The following TRPC4AP variants were observed in gnomAD, a reference collection of about 807,000 sequenced individuals.
TRPC4AP encodes the protein transient receptor potential cation channel subfamily C member 4 associated protein.
In TRPC4AP, 45 loss-of-function variants were observed where a neutral mutation model predicts 99.0. That is an observed-to-expected ratio of 0.45 (90% CI 0.36 to 0.58). TRPC4AP has a LOEUF of 0.58. TRPC4AP is among the 20% of genes least tolerant of loss of function. The pLI is 0.00. For synonymous variants in TRPC4AP, 408 were observed against 385.8 expected (o/e 1.06, Z -0.67); for missense variants, 879 against 985.3 (o/e 0.89, Z 1.44).
intron 1 of TRPC4AP, among the ~76,000 whole-genome samples, chr20:35,083,837 T>C (rs1391974977): frequency 6.7e-6 from 1 of 149,902 alleles, no homozygotes; most frequent in African/African-American, 2.5e-5. Context: ...GAAAGAAAAA[T>C]GCTCTGGATT....
At chr20:35,025,329 T>TGTG (rs1267713237) in intron 8 of TRPC4AP, among the ~76,000 whole-genome samples, 3 of 152,160 alleles carry the variant, frequency 2.0e-5, no homozygotes, top group East Asian at 3.8e-4. Context: ...TATGGGCACG[T>TGTG]GCCACCATGC....
At chr20:35,035,716 C>A (rs183641846) in intron 7 of TRPC4AP, among the ~76,000 whole-genome samples, 15 of 152,190 alleles carry the variant, frequency 9.9e-5, no homozygotes, top group African/African-American at 3.6e-4. Context: ...TCATCAACAG[C>A]TGATTAATTA....
At chr20:35,088,923 A>T (rs979271659) in intron 1 of TRPC4AP, among the ~76,000 whole-genome samples, 6 of 152,190 alleles carry the variant, frequency 3.9e-5, no homozygotes, top group Admixed American at 2.6e-4. Context: ...GTTACCAAGG[A>T]CTGGGAGGGA....
At chr20:35,074,248 G>GT (rs1332138936) in intron 2 of TRPC4AP, among the ~76,000 whole-genome samples, 9 of 152,218 alleles carry the variant, frequency 5.9e-5, no homozygotes, top group African/African-American at 1.7e-4. Flanking sequence ...TTTTTGAAGG[G>GT]TTTTTTGTGT....
chr20:35,007,727 G>A, intron 13 of TRPC4AP, 87 bp from the exon 14 acceptor site: 2 of 1,345,110 alleles, frequency 1.5e-6, no homozygotes, highest in Non-Finnish European at 2.1e-6. Context: ...GATGTTTGTT[G>A]CCTTTTCATG....
chr20:35,059,879 G>A (rs148432899), intron 3 of TRPC4AP, among the ~76,000 whole-genome samples: 5 of 150,850 alleles, frequency 3.3e-5, no homozygotes, highest in South Asian at 2.1e-4. Flanking sequence ...AAGAAAAGAC[G>A]AAGACAAAGA....
intron 9 of TRPC4AP, among the ~76,000 whole-genome samples, chr20:35,020,092 A>G (rs1357955865): frequency 6.6e-6 from 1 of 152,170 alleles, no homozygotes; most frequent in East Asian, 1.9e-4. Flanking sequence ...TCTTAAGTTC[A>G]CATCCAAACC....
intron 6 of TRPC4AP, 74 bp from the exon 7 acceptor site, chr20:35,044,786 C>A (rs1420761651): frequency 6.2e-6 from 9 of 1,459,694 alleles, no homozygotes; most frequent in Non-Finnish European, 8.6e-6. Flanking sequence ...TCTTTCGCAT[C>A]CCCTTACATA....
At chr20:35,006,679 TG>T in intron 14 of TRPC4AP, 104 bp from the exon 15 acceptor site, 1 of 1,443,700 alleles carries the variant, frequency 6.9e-7, no homozygotes, top group Non-Finnish European at 9.4e-7. Flanking sequence ...ATCCTGGGGA[TG>T]GAACTGGCAA....
In TRPC4AP at chr20:35,010,278, AGTACTTGTTCCT is replaced by A. The variant is rs2082604694; in HGVS notation, c.1410-2_1419del. 1 of 1,614,068 alleles carries A rather than the reference AGTACTTGTTCCT, an allele frequency of 6.2e-7. No homozygotes were observed. The highest frequency in any genetic ancestry group is 8.5e-7 in the Non-Finnish European group (1 of 1,180,024). On this transcript the variant is annotated splice_acceptor_variant and coding_sequence_variant, in exon 12 of 19. Transcript: ENST00000252015. LOFTEE classifies it high-confidence loss of function. ...TTCAGCTCCTGGTTGTTGAGTAACA[AGTACTTGTTCCT>A]GAAACAAAATGGGTTGGAGGAGGTA...
Position 35,003,157 on chromosome 20 carries a change from T to C in TRPC4AP, c.2383A>G (p.Thr795Ala). ...EPYMDIDRDF[T>A]EE ...GGCCTGGCCCAAGGTCACTCCTCAG[T>C]GAAGTCCCTGTCTATGTCCATGTAG... The change falls in exon 19 of 19, where the codon ACT becomes GCT. Residue 795 changes from threonine (T) to alanine (A), a missense_variant. Around this residue, in one of 3 missense-constraint regions of TRPC4AP, gnomAD observed 224 missense variants for 264.7 expected, o/e 0.85. Coordinates refer to ENST00000252015, the MANE Select transcript of TRPC4AP (RefSeq NM_015638.3). 6.2e-7 allele frequency: 1 copy of C among 1,614,120 alleles called. No homozygotes were observed. Among genetic ancestry groups the C allele is most frequent in the Non-Finnish European group, 8.5e-7 (1 of 1,179,988 alleles).
chr20:35,072,483 T>G (rs191117586), intron 2 of TRPC4AP, among the ~76,000 whole-genome samples: 4 of 152,334 alleles, frequency 2.6e-5, no homozygotes, highest in Admixed American at 2.6e-4. Context: ...AGGATCCAGT[T>G]TCAGCTTTCT....
intron 9 of TRPC4AP, among the ~76,000 whole-genome samples, chr20:35,018,457 G>A (rs1421710204): frequency 6.6e-6 from 1 of 151,922 alleles, no homozygotes; most frequent in Non-Finnish European, 1.5e-5. Flanking sequence ...TTAGCTGGGT[G>A]TGGTGGTGTG....
chr20:35,048,588 C>T (rs2083615580), intron 6 of TRPC4AP, among the ~76,000 whole-genome samples: 1 of 152,178 alleles, frequency 6.6e-6, no homozygotes, highest in Non-Finnish European at 1.5e-5. Flanking sequence ...AATGTCTTTT[C>T]CCAGTTTATG....
chr20:35,007,820 G>C (rs1195524083), intron 13 of TRPC4AP, among the ~76,000 whole-genome samples, 180 bp from the exon 14 acceptor site: 1 of 152,220 alleles, frequency 6.6e-6, no homozygotes, highest in Non-Finnish European at 1.5e-5. Flanking sequence ...TCCTCACAGA[G>C]AGCCAGCTCA....
chr20:35,080,321 C>T (rs925592195), intron 1 of TRPC4AP, among the ~76,000 whole-genome samples: 5 of 149,836 alleles, frequency 3.3e-5, no homozygotes, highest in Admixed American at 2.7e-4. Context: ...AGCAACATGG[C>T]GAAACCCCAC....
intron 8 of TRPC4AP, among the ~76,000 whole-genome samples, chr20:35,024,854 A>AAAAAAAAAACCAT (rs1479270980): frequency 2.2e-5 from 2 of 89,478 alleles, no homozygotes; most frequent in East Asian, 8.8e-4. Flanking sequence ...AAAAAAAAAA[A>AAAAAAAAAACCAT]ATTCTGTTTA....
chr20:35,054,903 C>T lies in TRPC4AP; in HGVS notation c.528+73G>A, dbSNP rs1347609695. The T allele has an allele frequency of 6.8e-6, 9 of 1,333,084 alleles. No individual in the cohort carries two copies. In the South Asian group the frequency reaches 1.1e-4, roughly 16 times the overall value. 82.6% of individuals were successfully genotyped at this position (1,333,084 alleles called of 1,614,324 possible). On this transcript the variant is annotated intron_variant, in intron 5 of 18. Transcript: ENST00000252015. ...CAGCTCTTATGTCTGCCATTCTACT[C>T]GAATATTCCCATCTTAAACATTGCA...
intron 1 of TRPC4AP, among the ~76,000 whole-genome samples, chr20:35,083,715 A>T (rs1164360053): frequency 7.1e-6 from 1 of 141,066 alleles, no homozygotes; most frequent in African/African-American, 2.6e-5. Context: ...TGCAAGCTTT[A>T]AAAAAAAAAA....
Sources: gnomAD v4.1 joint callset for allele counts (sites outside exome capture counted in the v4.1 genomes callset) on GRCh38, gnomAD v4.1.1 for gene constraint, gnomAD v4.1.1 regional missense constraint, MANE v1.5 for transcripts, NCBI Gene and HGNC (gene_info 2026-07-23, HGNC 2026-07-21) for gene names.